TSNAX: variants seen among roughly 807,000 people sequenced by gnomAD.
The protein encoded by TSNAX is translin associated factor X, also known as translin-associated protein X.
In TSNAX, 12 loss-of-function variants were observed where a neutral mutation model predicts 33.0. That is an observed-to-expected ratio of 0.36 (90% confidence interval 0.23 to 0.59). The LOEUF is 0.59. Ranked by LOEUF, TSNAX falls within the 20% of genes least tolerant of loss-of-function variation. The pLI is 0.74. For synonymous variants in TSNAX, 110 were observed against 117.2 expected (o/e 0.94, Z 0.40); for missense variants, 267 against 341.3 (o/e 0.78, Z 1.72).
chr1:231,543,049 G>T (rs954409641), intron 4 of TSNAX, among the ~76,000 whole-genome samples: 1 of 151,862 alleles, frequency 6.6e-6, no homozygotes, highest in Non-Finnish European at 1.5e-5. Flanking sequence ...GCGTTGGCGG[G>T]CGCCTGTAAT....
At chr1:231,560,423 T>A (rs1661021742) in intron 4 of TSNAX, among the ~76,000 whole-genome samples, 1 of 91,794 alleles carries the variant, frequency 1.1e-5, no homozygotes, top group Non-Finnish European at 2.2e-5. Flanking sequence ...CCCCCCTTTT[T>A]TTTTTTTTGA....
At chr1:231,559,700 C>T (rs919122089) in intron 4 of TSNAX, among the ~76,000 whole-genome samples, 1 of 151,938 alleles carries the variant, frequency 6.6e-6, no homozygotes, top group African/African-American at 2.4e-5. Flanking sequence ...CACTTGTGCC[C>T]TTTACATTTA....
intron 4 of TSNAX, 151 bp downstream of exon 4, chr1:231,542,762 C>T: frequency 1.1e-6 from 1 of 890,436 alleles, no homozygotes; most frequent in Non-Finnish European, 1.7e-6. Flanking sequence ...AGAAGTAATC[C>T]AAAGGCAAGT....
chr1:231,537,719 C>T (rs574016036), intron 3 of TSNAX, among the ~76,000 whole-genome samples: 125 of 140,304 alleles, frequency 8.9e-4, no homozygotes, highest in Non-Finnish European at 5.0e-4. Flanking sequence ...CTAGCCTGGG[C>T]GACTAAGCCA....
intron 4 of TSNAX, among the ~76,000 whole-genome samples, chr1:231,551,054 A>T (rs765212645): frequency 2.6e-5 from 4 of 152,320 alleles, no homozygotes; most frequent in Non-Finnish European, 5.9e-5. Context: ...GTATTAAGAA[A>T]ATAAAAATAT....
At position 231,553,811 on chromosome 1, in the gene TSNAX, C is replaced by T. The variant is rs1055099264; in HGVS notation, c.368-7317C>T. 1.1e-4 allele frequency among the ~76,000 whole-genome samples: 17 copies of T among 151,966 alleles called. 1 individual carries two copies. The East Asian group carries it at 2.3e-3, about 21-fold the overall frequency. On this transcript the variant is annotated intron_variant, in intron 4 of 5. Coordinates refer to ENST00000366639, the MANE Select transcript of TSNAX (RefSeq NM_005999.3). Reference sequence around the variant, plus strand: ...AAGCGATTCTTTTGCCTCAGCCTCCCGAGTAGCTGGGATTACAGGCATGTG... The same window carrying T: ...AAGCGATTCTTTTGCCTCAGCCTCCTGAGTAGCTGGGATTACAGGCATGTG...
chr1:231,542,549 T>G lies in TSNAX; in HGVS notation c.305T>G (p.Phe102Cys). ...TTGGATGGTGTCAGACAAAAGATAT[T>G]CCAGGTAGCCCAAGAGCTATCAGGG... ...IKLDGVRQKI[F>C]QVAQELSGED... Residue 102 changes from phenylalanine (F) to cysteine (C), a missense_variant, in exon 4 of 6, where the codon TTC (phenylalanine) becomes TGC (cysteine). Around this residue, in one of 2 missense-constraint regions of TSNAX, gnomAD observed 200 missense variants for 214.1 expected, o/e 0.93. Transcript: ENST00000366639. The G allele has an allele frequency of 1.2e-6, 2 of 1,614,022 alleles. No homozygotes were observed. The highest frequency in any genetic ancestry group is 1.7e-6 in the Non-Finnish European group (2 of 1,179,954).
At chr1:231,551,734 A>C (rs1227678323) in intron 4 of TSNAX, among the ~76,000 whole-genome samples, 1 of 151,288 alleles carries the variant, frequency 6.6e-6, no homozygotes, top group East Asian at 1.9e-4. Flanking sequence ...TTGGGAGGTC[A>C]TGGTGGGAGG....
chr1:231,555,675 A>G (rs1348804797), intron 4 of TSNAX, among the ~76,000 whole-genome samples: 2 of 152,242 alleles, frequency 1.3e-5, no homozygotes, highest in African/African-American at 4.8e-5. Context: ...GCAAGATGCC[A>G]TAATTCATTT....
At chr1:231,556,980 C>T (rs1047928387) in intron 4 of TSNAX, among the ~76,000 whole-genome samples, 4 of 115,896 alleles carry the variant, frequency 3.5e-5, no homozygotes, top group East Asian at 2.2e-4. Context: ...GGAATGATGT[C>T]GTTAACATAT....
chr1:231,563,880 T>A (rs1216681238), intron 5 of TSNAX, among the ~76,000 whole-genome samples: 2 of 152,214 alleles, frequency 1.3e-5, no homozygotes, highest in South Asian at 2.1e-4. Context: ...GGAGAGTAAT[T>A]TGTAGCGGTA....
Position 231,529,921 on chromosome 1 carries a change from T to G in TSNAX, c.121+562T>G, listed in dbSNP as rs116914639. On this transcript the variant is annotated intron_variant, in intron 2 of 5. Transcript: ENST00000366639. ...CCCTGTCTATCCACTATCCTGTACC[T>G]TACGTTTCTGTGATTAAGGAATCTG... is the stretch of plus-strand genomic sequence containing the variant. Among the ~76,000 whole-genome samples, 887 of 152,378 alleles carry G rather than the reference T, an allele frequency of 5.8e-3. 28 individuals carry two copies. In the East Asian group the frequency reaches 0.096, roughly 16 times the overall value.
At chr1:231,536,978 A>G (rs2124889480) in intron 2 of TSNAX, 1 of 263,052 alleles carries the variant, frequency 3.8e-6, no homozygotes, top group Non-Finnish European at 7.2e-6. Context: ...GACTACAGGC[A>G]CATGCCACCA....
chr1:231,551,064 T>C (rs886432951), intron 4 of TSNAX, among the ~76,000 whole-genome samples: 1 of 152,190 alleles, frequency 6.6e-6, no homozygotes, highest in Non-Finnish European at 1.5e-5. Flanking sequence ...AATAAAAATA[T>C]ATTTAAAATT....
chr1:231,533,341 T>C (rs924303463), intron 2 of TSNAX, among the ~76,000 whole-genome samples: 2 of 152,192 alleles, frequency 1.3e-5, no homozygotes, highest in African/African-American at 4.8e-5. Flanking sequence ...CCTCAAGTGA[T>C]CCACCCACCT....
intron 3 of TSNAX, among the ~76,000 whole-genome samples, chr1:231,537,902 A>C (rs1003821889): frequency 6.6e-6 from 1 of 152,128 alleles, no homozygotes; most frequent in Non-Finnish European, 1.5e-5. Context: ...TGTTACATTA[A>C]ACTTTATTTG....
chr1:231,529,271 G>A lies in TSNAX; in HGVS notation c.33G>A (p.Arg11=), dbSNP rs1202926449. The A allele has an allele frequency of 6.2e-7, 1 of 1,613,954 alleles. No individual in the cohort carries two copies. Among genetic ancestry groups the A allele is most frequent in the African/African-American group, 1.3e-5 (1 of 74,920 alleles). The change falls in exon 2 of 6, where the codon AGG becomes AGA. Residue 11 remains arginine, a synonymous_variant. Transcript: ENST00000366639. ...CTATATAAGGATCAGGAGGGTTCAG[G>A]AAAAGGAAGCATGACAATTTCCCAC... MSNKEGSGGF[R]KRKHDNFPHN... is the part of the protein sequence containing the mutation.
chr1:231,551,426 A>G (rs1660284912), intron 4 of TSNAX, among the ~76,000 whole-genome samples: 1 of 152,214 alleles, frequency 6.6e-6, no homozygotes, highest in Non-Finnish European at 1.5e-5. Context: ...TTTGAATTTC[A>G]GCTTTCTTTC....
Position 231,553,764 on chromosome 1 carries a change from A to C in TSNAX, c.368-7364A>C, listed in dbSNP as rs148924834. Among the ~76,000 whole-genome samples, 1,401 of 145,862 alleles carry C rather than the reference A, an allele frequency of 9.6e-3. 28 individuals carry two copies. The highest frequency in any genetic ancestry group is 0.033 in the African/African-American group (1,303 of 39,142). On this transcript the variant is annotated intron_variant, in intron 4 of 5. Transcript: ENST00000366639. The stretch of plus-strand genomic sequence containing the variant: ...TGCAATGGCGAGATCTCGGCTCACC[A>C]CAACCTCTGCCTCCCAGGTTCAAGC...
Sources: allele counts gnomAD v4.1 joint callset (sites outside exome capture counted in the v4.1 genomes callset), GRCh38; gene constraint gnomAD v4.1.1; regional missense constraint gnomAD v4.1.1; transcripts MANE v1.5; gene names NCBI Gene and HGNC (gene_info 2026-07-23, HGNC 2026-07-21).